CPA1: variants seen among roughly 807,000 people sequenced by gnomAD.
CPA1 encodes the protein carboxypeptidase A1 (pancreatic).
CPA1 carries 42 observed loss-of-function variants against 48.7 expected under a neutral mutation model. That is an observed-to-expected ratio of 0.86 (90% CI 0.67 to 1.11). CPA1 has a LOEUF of 1.11. CPA1 is among the 50% of genes most tolerant of loss of function. The probability of loss-of-function intolerance (pLI) is 0.00; values close to 1 mark genes in which losing one functional copy is unlikely to be tolerated. For synonymous variants in CPA1, 203 were observed against 217.9 expected (o/e 0.93, Z 0.60); for missense variants, 477 against 544.7 (o/e 0.88, Z 1.24).
At chr7:130,385,775 A>C in intron 8 of CPA1, 64 bp from the exon 9 acceptor site, 6 of 1,373,128 alleles carry the variant, frequency 4.4e-6, no homozygotes, top group Non-Finnish European at 5.1e-6. Flanking sequence ...CCCCCAGACT[A>C]CCCTGGACAT....
At chr7:130,385,432 C>A in intron 8 of CPA1, 87 bp downstream of exon 8, 2 of 1,178,942 alleles carry the variant, frequency 1.7e-6, no homozygotes, top group Non-Finnish European at 2.5e-6. Context: ...GCTTAAGGCA[C>A]AGACACCTCC....
chr7:130,381,927 C>T (rs1796411646), intron 3 of CPA1, 64 bp downstream of exon 3: 3 of 1,489,820 alleles, frequency 2.0e-6, no homozygotes, highest in Non-Finnish European at 2.8e-6. Context: ...TGGTAGAACG[C>T]GGTAGGGCCA....
At chr7:130,384,471 C>CCT in intron 6 of CPA1, 65 bp from the exon 7 acceptor site, 1 of 1,449,364 alleles carries the variant, frequency 6.9e-7, no homozygotes, top group South Asian at 1.1e-5. Context: ...TGAACCACCC[C>CCT]CCACCCAGCA....
intron 7 of CPA1, 158 bp from the exon 8 acceptor site, chr7:130,384,988 T>C (rs1554411784): frequency 2.8e-6 from 2 of 712,990 alleles, no homozygotes; most frequent in South Asian, 1.8e-5. Context: ...GGGAGGGCAG[T>C]TCCCCCAGGT....
Position 130,381,224 on chromosome 7 carries a change from C to T in CPA1, c.147+45C>T, listed in dbSNP as rs782040833. 4.1e-6 allele frequency: 6 copies of T among 1,453,046 alleles called. No homozygotes were observed. The South Asian group carries it at 7.1e-5, about 17-fold the overall frequency. 90.0% of individuals were successfully genotyped at this position (1,453,046 alleles called of 1,614,324 possible). On this transcript the variant is annotated intron_variant, in intron 2 of 9. Coordinates refer to ENST00000011292, the MANE Select transcript of CPA1 (RefSeq NM_001868.4). ...GCTCTCTGAGGCCCCAGGGTATCAG[C>T]TGGGGCCACCCCAGGTCCCCAGCGG...
At chr7:130,386,450 T>C (rs1345903027) in intron 9 of CPA1, among the ~76,000 whole-genome samples, 1 of 152,026 alleles carries the variant, frequency 6.6e-6, no homozygotes, top group East Asian at 1.9e-4. Context: ...AAGAATCGCT[T>C]GAACCCGGGA....
intron 9 of CPA1, among the ~76,000 whole-genome samples, chr7:130,386,612 T>C (rs1236528509): frequency 3.3e-5 from 5 of 152,276 alleles, no homozygotes; most frequent in East Asian, 1.9e-4. Context: ...CACTTACTTA[T>C]TCATGCAGTG....
chr7:130,384,613 CG>C lies in CPA1; in HGVS notation c.775del (p.Ala259LeufsTer32). 6.2e-7 allele frequency: 1 copy of C among 1,614,066 alleles called. No homozygotes were observed. Reference sequence around the variant, plus strand: ...GCGTGGACCCCAACAGGAACTGGGACGCTGGCTTTGGGTGTAAGGCCCAGAG... The same window carrying C: ...GCGTGGACCCCAACAGGAACTGGGACCTGGCTTTGGGTGTAAGGCCCAGAG... Reference protein sequence around the residue: ...IGVDPNRNWDAGFGLSGASSN... With the variant: ...IGVDPNRNWDXGFGLSGASSN... On this transcript the variant is annotated frameshift_variant, in exon 7 of 10. Transcript: ENST00000011292. LOFTEE classifies it high-confidence loss of function.
At chr7:130,383,159 C>G (rs1212472851) in intron 4 of CPA1, among the ~76,000 whole-genome samples, 1 of 152,194 alleles carries the variant, frequency 6.6e-6, no homozygotes, top group Non-Finnish European at 1.5e-5. Flanking sequence ...GGGGCCTGGT[C>G]AAGTCATATT....
At chr7:130,384,309 C>T (rs1796444200) in intron 6 of CPA1, 1 of 583,058 alleles carries the variant, frequency 1.7e-6, no homozygotes, top group South Asian at 2.0e-5. Flanking sequence ...CACCCGATGC[C>T]CCCTCTGCTG....
In CPA1 at chr7:130,385,833, G is replaced by A; in HGVS notation, c.988-6G>A. On this transcript the variant is annotated splice_polypyrimidine_tract_variant and splice_region_variant and intron_variant, in intron 8 of 9. Transcript: ENST00000011292. ...GACAGGTGGCTTTGCTTGGTGTTTT[G>A]TCCAGGATCAGCTTTCCAAGGCTGC... 5.0e-6 allele frequency: 8 copies of A among 1,613,366 alleles called. No homozygotes were observed. The highest frequency in any genetic ancestry group is 2.2e-5 in the East Asian group (1 of 44,862).
rs890043201 is a variant in CPA1, at chr7:130,382,101, A to G, written c.382-7A>G. ...TAAGGCCAGTGGTCTCTTCTTTCAC[A>G]CCTCAGATCTATGACTTCCTGGACC... On this transcript the variant is annotated splice_polypyrimidine_tract_variant and splice_region_variant and intron_variant, in intron 3 of 9. Transcript: ENST00000011292. 2 of 1,611,606 alleles carry G rather than the reference A, an allele frequency of 1.2e-6. No homozygotes were observed. The highest frequency in any genetic ancestry group is 1.7e-6 in the Non-Finnish European group (2 of 1,178,166).
At chr7:130,383,354 G>A in intron 4 of CPA1, 37 bp from the exon 5 acceptor site, 3 of 1,577,832 alleles carry the variant, frequency 1.9e-6, no homozygotes, top group Non-Finnish European at 2.6e-6. Context: ...CCTCAGCTGT[G>A]AAATTGCCTC....
chr7:130,381,320 GC>G (rs1294548088), intron 2 of CPA1, 141 bp downstream of exon 2: 5 of 653,116 alleles, frequency 7.7e-6, no homozygotes, highest in Admixed American at 2.9e-5. Flanking sequence ...GCGACTTCAA[GC>G]CCCCAGCTCC....
In CPA1 at chr7:130,385,941, C is replaced by T. The variant is rs1043703085; in HGVS notation, c.1072+18C>T. On this transcript the variant is annotated intron_variant, in intron 9 of 9. Coordinates refer to ENST00000011292, the MANE Select transcript of CPA1 (RefSeq NM_001868.4). Reference sequence around the variant, plus strand: ...GGCAATTTGTAAGTGGCCGTAGGGTCTCTCTTGATGGGCCTGCGAGGAACA... The same window carrying T: ...GGCAATTTGTAAGTGGCCGTAGGGTTTCTCTTGATGGGCCTGCGAGGAACA... 3.1e-6 allele frequency: 5 copies of T among 1,600,774 alleles called. No individual in the cohort carries two copies. The highest frequency in any genetic ancestry group is 4.5e-5 in the East Asian group (2 of 44,800).
In CPA1 at chr7:130,384,529, T is replaced by C; in HGVS notation, c.697-7T>C. ...CTCGGGGTGGCTGATCCCATTTCCT[T>C]CCTCAGAATCGCATGTGGCGCAAGA... is the stretch of plus-strand genomic sequence containing the variant. On this transcript the variant is annotated splice_region_variant and splice_polypyrimidine_tract_variant and intron_variant, in intron 6 of 9. Coordinates refer to ENST00000011292, the MANE Select transcript of CPA1 (RefSeq NM_001868.4). The C allele has an allele frequency of 6.2e-7, 1 of 1,613,880 alleles. No individual in the cohort carries two copies. The highest frequency in any genetic ancestry group is 8.5e-7 in the Non-Finnish European group (1 of 1,179,794).
chr7:130,381,984 G>C lies in CPA1; in HGVS notation c.381+121G>C, dbSNP rs1395363538. The C allele has an allele frequency of 5.9e-6, 7 of 1,181,432 alleles. No individual in the cohort carries two copies. The African/African-American group carries it at 1.1e-4, about 18-fold the overall frequency. The allele number at this position is 1,181,432 out of a possible 1,614,324, so 73.2% of individuals were successfully genotyped here. A position where few individuals can be genotyped will look rare whatever the true frequency, so the allele number is the denominator to read the frequency against. ...TGCGCAGCGCCTGCTCTGTTTCCATGTGGCCTGTGTGGTCGTAGCTCCATT... is the reference window on the plus strand; with the variant it reads ...TGCGCAGCGCCTGCTCTGTTTCCATCTGGCCTGTGTGGTCGTAGCTCCATT... On this transcript the variant is annotated intron_variant, in intron 3 of 9. Coordinates refer to ENST00000011292, the MANE Select transcript of CPA1 (RefSeq NM_001868.4).
chr7:130,387,736 C>T lies in CPA1; in HGVS notation c.1073-88C>T, dbSNP rs1796494275. The T allele has an allele frequency of 1.9e-5, 23 of 1,225,460 alleles. No homozygotes were observed. The South Asian group carries it at 3.0e-4, about 16-fold the overall frequency. The allele number at this position is 1,225,460 out of a possible 1,614,324, so 75.9% of individuals were successfully genotyped here. A position where few individuals can be genotyped will look rare whatever the true frequency, so the allele number is the denominator to read the frequency against. On this transcript the variant is annotated intron_variant, in intron 9 of 9. Coordinates refer to ENST00000011292, the MANE Select transcript of CPA1 (RefSeq NM_001868.4). The surrounding 1 kb of genome is among the most constrained non-coding windows in gnomAD (Gnocchi z 4.6). ...ACTCAGCATTGCACAAGGCACAGAGCTTTGGACAGGGTTGGATCGTTAACC... is the reference window on the plus strand; with the variant it reads ...ACTCAGCATTGCACAAGGCACAGAGTTTTGGACAGGGTTGGATCGTTAACC...
intron 2 of CPA1, 148 bp downstream of exon 2, chr7:130,381,327 G>T: frequency 1.5e-6 from 1 of 645,450 alleles, no homozygotes. Context: ...CAAGCCCCCA[G>T]CTCCAGAGCC....
Sources: gnomAD v4.1 joint callset for allele counts (sites outside exome capture counted in the v4.1 genomes callset) on GRCh38, gnomAD v4.1.1 for gene constraint, Gnocchi (gnomAD v3.1) non-coding constraint, MANE v1.5 for transcripts, NCBI Gene and HGNC (gene_info 2026-07-23, HGNC 2026-07-21) for gene names.